Variants in ENO2 observed in about 807,000 individuals in gnomAD.
ENO2 encodes the protein gamma-enolase.
Under a neutral mutation model 48.7 loss-of-function variants are expected in ENO2, and 19 were observed. The ratio of observed to expected loss-of-function variants is 0.39; its 90% CI spans 0.27 to 0.57. The LOEUF (loss-of-function observed/expected upper bound fraction) is 0.57. Ranked by LOEUF, ENO2 falls within the 20% of genes least tolerant of loss-of-function variation. The pLI is 0.58. For missense variants in ENO2, 416 were observed against 555.0 expected (o/e 0.75, Z 2.52); for synonymous variants, 198 against 213.4 (o/e 0.93, Z 0.63).
In ENO2 at chr12:6,916,596, A is replaced by T. The variant is rs1271143847; in HGVS notation, c.182-75A>T. 10 of 1,611,146 alleles carry T rather than the reference A, an allele frequency of 6.2e-6. No homozygotes were observed. The Admixed American group carries it at 1.7e-4, about 27-fold the overall frequency. ...CACCAGTCCCCAGTCCTCCTCTAGC[A>T]TGGCTTCCCCTCCTCCCATTGATCC... On this transcript the variant is annotated intron_variant, in intron 3 of 11. Coordinates refer to ENST00000229277, the MANE Select transcript of ENO2 (RefSeq NM_001975.3). This position sits in a 1 kb window ranked among gnomAD's most constrained non-coding sequence, Gnocchi z 4.5.
chr12:6,922,495 A>G lies in ENO2; in HGVS notation c.1235+93A>G. 1.3e-6 allele frequency: 2 copies of G among 1,520,534 alleles called. No homozygotes were observed. Among genetic ancestry groups the G allele is most frequent in the Non-Finnish European group, 1.8e-6 (2 of 1,096,808 alleles). The allele number at this position is 1,520,534 out of a possible 1,614,324, so 94.2% of individuals were successfully genotyped here. On this transcript the variant is annotated intron_variant, in intron 11 of 11. Transcript: ENST00000229277. This position sits in a 1 kb window ranked among gnomAD's most constrained non-coding sequence, Gnocchi z 5.3. Reference sequence around the variant, plus strand: ...CTGTAGCACCAAGGGCCTGGATAACAGTCCATTTCCTGGATAACAGTCCAA... The same window carrying G: ...CTGTAGCACCAAGGGCCTGGATAACGGTCCATTTCCTGGATAACAGTCCAA...
chr12:6,915,039 C>G (rs1437437032), intron 1 of ENO2, among the ~76,000 whole-genome samples: 1 of 152,170 alleles, frequency 6.6e-6, no homozygotes, highest in African/African-American at 2.4e-5. Flanking sequence ...TCACCTCCCC[C>G]AGACTTCCCT....
chr12:6,915,843 A>G lies in ENO2; in HGVS notation c.11A>G (p.Glu4Gly). The change falls in exon 2 of 12, where the codon GAG (glutamate) becomes GGG (glycine). Residue 4 changes from glutamate to glycine, a missense_variant. Coordinates refer to ENST00000229277, the MANE Select transcript of ENO2 (RefSeq NM_001975.3). ...GAGATCCCAGCCATCATGTCCATAG[A>G]GAAGATCTGGGCCCGGGAGATCCTG... is the stretch of plus-strand genomic sequence containing the variant. MSIEKIWAREILDS... is the reference protein window; with the variant it reads MSIGKIWAREILDS... The G allele has an allele frequency of 6.2e-7, 1 of 1,613,534 alleles. No individual in the cohort carries two copies. The highest frequency in any genetic ancestry group is 8.5e-7 in the Non-Finnish European group (1 of 1,179,810).
At position 6,922,499 on chromosome 12, in the gene ENO2, C is replaced by T. The variant is rs1740642007; in HGVS notation, c.1235+97C>T. 1 of 1,498,470 alleles carries T rather than the reference C, an allele frequency of 6.7e-7. No individual in the cohort carries two copies. The highest frequency in any genetic ancestry group is 9.3e-7 in the Non-Finnish European group (1 of 1,077,912). 92.8% of individuals were successfully genotyped at this position (1,498,470 alleles called of 1,614,324 possible). On this transcript the variant is annotated intron_variant, in intron 11 of 11. Transcript: ENST00000229277. This position sits in a 1 kb window ranked among gnomAD's most constrained non-coding sequence, Gnocchi z 5.3. ...AGCACCAAGGGCCTGGATAACAGTCCATTTCCTGGATAACAGTCCAACAGA... is the reference window on the plus strand; with the variant it reads ...AGCACCAAGGGCCTGGATAACAGTCTATTTCCTGGATAACAGTCCAACAGA...
At position 6,922,695 on chromosome 12, in the gene ENO2, T is replaced by C; in HGVS notation, c.1236-36T>C. ...GAGAGAGAAGCAGGATCCTCCTGCA[T>C]CCCTGACCACTTCCTTTGTGGTTCA... On this transcript the variant is annotated intron_variant, in intron 11 of 11. Transcript: ENST00000229277. This position sits in a 1 kb window ranked among gnomAD's most constrained non-coding sequence, Gnocchi z 5.3. 3.1e-6 allele frequency: 5 copies of C among 1,613,086 alleles called. No individual in the cohort carries two copies. The highest frequency in any genetic ancestry group is 4.2e-6 in the Non-Finnish European group (5 of 1,179,130).
At chr12:6,917,547 A>G in intron 5 of ENO2, 34 bp from the exon 6 acceptor site, 1 of 1,597,940 alleles carries the variant, frequency 6.3e-7, no homozygotes. Flanking sequence ...AGAAGGGGAC[A>G]TTGTGCTCAG....
Position 6,922,927 on chromosome 12 carries a change from C to T in ENO2, c.*127C>T, listed in dbSNP as rs1172628572. The T allele has an allele frequency of 1.0e-6, 1 of 959,472 alleles. No homozygotes were observed. Among genetic ancestry groups the T allele is most frequent in the East Asian group, 2.5e-5 (1 of 39,676 alleles). The allele number at this position is 959,472 out of a possible 1,614,324, so 59.4% of individuals were successfully genotyped here. A position where few individuals can be genotyped will look rare whatever the true frequency, so the allele number is the denominator to read the frequency against. On this transcript the variant is annotated 3_prime_UTR_variant, in exon 12 of 12. Transcript: ENST00000229277. The surrounding 1 kb of genome is among the most constrained non-coding windows in gnomAD (Gnocchi z 5.3). ...GGGTGCCCAGAACTTCCCTGATTGA[C>T]CTGCTCCGCTGCTCCTTGGCTTACC...
chr12:6,918,784 C>A (rs1191121458), intron 7 of ENO2, among the ~76,000 whole-genome samples: 3 of 150,746 alleles, frequency 2.0e-5, no homozygotes, highest in Admixed American at 6.6e-5. Context: ...GAGTTTGAGA[C>A]CAGCCTGGCC....
In ENO2 at chr12:6,922,115, C is replaced by A; in HGVS notation, c.1127C>A (p.Thr376Asn). Reference sequence around the variant, plus strand: ...ATGGTGAGTCATCGCTCAGGAGAGACTGAGGACACATTCATTGCTGACCTG... The same window carrying A: ...ATGGTGAGTCATCGCTCAGGAGAGAATGAGGACACATTCATTGCTGACCTG... ...GVMVSHRSGE[T>N]EDTFIADLVV... is the part of the protein sequence containing the mutation. The change falls in exon 10 of 12, where the codon ACT becomes AAT. Residue 376 changes from threonine to asparagine, a missense_variant. Physicochemically the swap from Thr to Asn is moderately conservative, Grantham distance 65 (BLOSUM62 0). Coordinates refer to ENST00000229277, the MANE Select transcript of ENO2 (RefSeq NM_001975.3). This position sits in a 1 kb window ranked among gnomAD's most constrained non-coding sequence, Gnocchi z 5.3. 6.2e-7 allele frequency: 1 copy of A among 1,614,102 alleles called. No individual in the cohort carries two copies. The highest frequency in any genetic ancestry group is 8.5e-7 in the Non-Finnish European group (1 of 1,180,026).
At chr12:6,917,518 G>A (rs1197831415) in intron 5 of ENO2, 63 bp from the exon 6 acceptor site, 6 of 1,567,440 alleles carry the variant, frequency 3.8e-6, no homozygotes, top group Admixed American at 1.8e-5. Context: ...ACTACAGATG[G>A]AGGCAGGAGC....
Position 6,917,620 on chromosome 12 carries a change from C to A in ENO2, c.350C>A (p.Ala117Asp). 1 of 1,613,476 alleles carries A rather than the reference C, an allele frequency of 6.2e-7. No individual in the cohort carries two copies. The highest frequency in any genetic ancestry group is 8.5e-7 in the Non-Finnish European group (1 of 1,179,670). Residue 117 changes from alanine to aspartate, a missense_variant, in exon 6 of 12, where the codon GCC becomes GAC. Coordinates refer to ENST00000229277, the MANE Select transcript of ENO2 (RefSeq NM_001975.3). ...GANAILGVSL[A>D]VCKAGAAERE... is the part of the protein sequence containing the mutation. The stretch of plus-strand genomic sequence containing the variant: ...AATGCCATCCTGGGTGTGTCTCTGG[C>A]CGTGTGTAAGGCAGGGGCAGCTGAG...
chr12:6,915,780 A>G, intron 1 of ENO2, 41 bp from the exon 2 acceptor site: 1 of 1,528,170 alleles, frequency 6.5e-7, no homozygotes, highest in Non-Finnish European at 8.9e-7. Context: ...CACCCCTCTA[A>G]GCCTCTTATC....
At position 6,917,564 on chromosome 12, in the gene ENO2, C is replaced by T; in HGVS notation, c.311-17C>T. ...AAGGGGACATTGTGCTCAGCACCTT[C>T]CTCTATAATCTCCTAGCCAAGTTTG... On this transcript the variant is annotated splice_polypyrimidine_tract_variant and intron_variant, in intron 5 of 11. Transcript: ENST00000229277. 1 of 1,608,478 alleles carries T rather than the reference C, an allele frequency of 6.2e-7. No individual in the cohort carries two copies. Among genetic ancestry groups the T allele is most frequent in the Non-Finnish European group, 8.5e-7 (1 of 1,177,086 alleles).
intron 8 of ENO2, 86 bp from the exon 9 acceptor site, chr12:6,921,495 A>T: frequency 5.8e-6 from 8 of 1,374,340 alleles, no homozygotes; most frequent in Non-Finnish European, 8.3e-6. Context: ...TGTCCATTTC[A>T]GGGAATAAAG....
In ENO2 at chr12:6,922,104, C is replaced by T. The variant is rs1434875167; in HGVS notation, c.1116C>T (p.Arg372=). The T allele has an allele frequency of 3.7e-6, 6 of 1,614,008 alleles. No individual in the cohort carries two copies. The African/African-American group carries it at 8.0e-5, about 22-fold the overall frequency. The change falls in exon 10 of 12, where the codon CGC becomes CGT. Residue 372 remains arginine (R), a synonymous_variant. Transcript: ENST00000229277. This position sits in a 1 kb window ranked among gnomAD's most constrained non-coding sequence, Gnocchi z 5.3. ...GCTGGGGGGTCATGGTGAGTCATCGCTCAGGAGAGACTGAGGACACATTCA... is the reference window on the plus strand; with the variant it reads ...GCTGGGGGGTCATGGTGAGTCATCGTTCAGGAGAGACTGAGGACACATTCA... ...ENGWGVMVSH[R]SGETEDTFIA...
Position 6,919,781 on chromosome 12 carries a change from G to A in ENO2, c.865+18G>A. 1.9e-6 allele frequency: 3 copies of A among 1,611,256 alleles called. No homozygotes were observed. Among genetic ancestry groups the A allele is most frequent in the Non-Finnish European group, 2.5e-6 (3 of 1,178,534 alleles). ...CTATCCTGGTGAGAGGAAGTGGTGT[G>A]AGGGGGAGGTCTGGGGGCAGGCAGG... is the stretch of plus-strand genomic sequence containing the variant. On this transcript the variant is annotated intron_variant, in intron 8 of 11. Transcript: ENST00000229277.
rs1555142225 is a variant in ENO2 at position 6,922,446 on chromosome 12, G to A, written c.1235+44G>A. The A allele has an allele frequency of 1.2e-6, 2 of 1,611,934 alleles. No individual in the cohort carries two copies. Among genetic ancestry groups the A allele is most frequent in the Admixed American group, 1.7e-5 (1 of 60,016 alleles). Reference sequence around the variant, plus strand: ...GGAGCCCCTGGCCCAGATGGCTAAAGGCCCCATTTGCCTGCCAGACCATCT... The same window carrying A: ...GGAGCCCCTGGCCCAGATGGCTAAAAGCCCCATTTGCCTGCCAGACCATCT... On this transcript the variant is annotated intron_variant, in intron 11 of 11. Transcript: ENST00000229277. This position sits in a 1 kb window ranked among gnomAD's most constrained non-coding sequence, Gnocchi z 5.3.
Position 6,917,492 on chromosome 12 carries a change from C to T in ENO2, c.311-89C>T, listed in dbSNP as rs1945302114. 7 of 1,525,348 alleles carry T rather than the reference C, an allele frequency of 4.6e-6. 1 individual carries two copies. In the South Asian group the frequency reaches 5.1e-5, roughly 11 times the overall value. 94.5% of individuals were successfully genotyped at this position (1,525,348 alleles called of 1,614,324 possible). ...GGGAGGGAGGAGGGGGTCTCCTTTA[C>T]TGGCTCCTTTTGGAGACTACAGATG... is the stretch of plus-strand genomic sequence containing the variant. On this transcript the variant is annotated intron_variant, in intron 5 of 11. Transcript: ENST00000229277.
chr12:6,923,088 T>A lies in ENO2; in HGVS notation c.*288T>A. On this transcript the variant is annotated 3_prime_UTR_variant, in exon 12 of 12. Coordinates refer to ENST00000229277, the MANE Select transcript of ENO2 (RefSeq NM_001975.3). Reference sequence around the variant, plus strand: ...GAATGAGGATTATTATAAAAGGGGGTCCGTGGAAGAATGATCAGCATCTGT... The same window carrying A: ...GAATGAGGATTATTATAAAAGGGGGACCGTGGAAGAATGATCAGCATCTGT... 2.5e-6 allele frequency: 1 copy of A among 396,558 alleles called. No individual in the cohort carries two copies. The highest frequency in any genetic ancestry group is 3.7e-5 in the Admixed American group (1 of 26,982). 24.6% of individuals were successfully genotyped at this position (396,558 alleles called of 1,614,324 possible). A position where few individuals can be genotyped will look rare whatever the true frequency, so the allele number is the denominator to read the frequency against.
Sources: gnomAD v4.1 joint callset for allele counts (sites outside exome capture counted in the v4.1 genomes callset) on GRCh38, gnomAD v4.1.1 for gene constraint, Gnocchi (gnomAD v3.1) non-coding constraint, MANE v1.5 for transcripts, NCBI Gene and HGNC (gene_info 2026-07-23, HGNC 2026-07-21) for gene names.